The following KPNA3 variants were observed in gnomAD, a reference collection of about 807,000 sequenced individuals.
The protein encoded by KPNA3 is karyopherin subunit alpha 3.
Under a neutral mutation model 73.8 loss-of-function variants are expected in KPNA3, and 13 were observed. That is an observed-to-expected ratio of 0.18 (90% CI 0.11 to 0.28). The LOEUF (loss-of-function observed/expected upper bound fraction) is 0.28. Ranked by LOEUF, KPNA3 falls within the 10% of genes least tolerant of loss-of-function variation. The pLI is 1.00. For synonymous variants in KPNA3, 186 were observed against 206.9 expected (o/e 0.90, Z 0.87); for missense variants, 360 against 618.1 (o/e 0.58, Z 4.43).
At chr13:49,792,097 G>A (rs964425142) in intron 1 of KPNA3, among the ~76,000 whole-genome samples, 1 of 152,218 alleles carries the variant, frequency 6.6e-6, no homozygotes, top group East Asian at 1.9e-4. Context: ...CGGTCGGAGG[G>A]CCCGGGCGGC....
chr13:49,729,599 G>C (rs1349838621), intron 6 of KPNA3, among the ~76,000 whole-genome samples: 1 of 152,076 alleles, frequency 6.6e-6, no homozygotes, highest in Non-Finnish European at 1.5e-5. Context: ...CCTGTGAATG[G>C]TGAAACCCCA....
intron 2 of KPNA3, among the ~76,000 whole-genome samples, chr13:49,746,064 G>GAAAAAAAA (rs398022733): frequency 2.4e-5 from 2 of 83,086 alleles, no homozygotes; most frequent in Admixed American, 1.4e-4. Context: ...CTCTGCATCA[G>GAAAAAAAA]AAAAAAAAAA....
At chr13:49,756,408 T>C (rs1954712278) in intron 1 of KPNA3, among the ~76,000 whole-genome samples, 1 of 152,106 alleles carries the variant, frequency 6.6e-6, no homozygotes, top group Non-Finnish European at 1.5e-5. Flanking sequence ...AATTTAAAAA[T>C]TAGCCAGGTA....
At chr13:49,771,711 T>G (rs1334132115) in intron 1 of KPNA3, among the ~76,000 whole-genome samples, 1 of 152,198 alleles carries the variant, frequency 6.6e-6, no homozygotes. Flanking sequence ...CTCATCATAG[T>G]AACACAATTA....
chr13:49,770,021 T>A (rs1954840066), intron 1 of KPNA3, among the ~76,000 whole-genome samples: 1 of 152,170 alleles, frequency 6.6e-6, no homozygotes, highest in Non-Finnish European at 1.5e-5. Context: ...TTGTTGGTCA[T>A]TTGTATGCCT....
At chr13:49,757,455 A>T (rs1192317611) in intron 1 of KPNA3, among the ~76,000 whole-genome samples, 1 of 152,234 alleles carries the variant, frequency 6.6e-6, no homozygotes, top group Non-Finnish European at 1.5e-5. Flanking sequence ...AAAGATGTTC[A>T]ATACTATTAG....
intron 1 of KPNA3, among the ~76,000 whole-genome samples, chr13:49,753,040 A>G (rs867834988): frequency 1.3e-5 from 1 of 75,276 alleles, no homozygotes; most frequent in African/African-American, 4.2e-5. Flanking sequence ...AAAAAAAAAA[A>G]AAAAAAAAAA....
chr13:49,707,555 A>G (rs1460896430), intron 12 of KPNA3, among the ~76,000 whole-genome samples: 1 of 112,868 alleles, frequency 8.9e-6, no homozygotes, highest in South Asian at 3.6e-4. Context: ...TTGAGATGGC[A>G]TTTCTATGAA....
At chr13:49,733,986 A>C (rs1230542175) in intron 2 of KPNA3, among the ~76,000 whole-genome samples, 1 of 152,248 alleles carries the variant, frequency 6.6e-6, no homozygotes, top group Admixed American at 6.5e-5. Context: ...CAAAATTGTT[A>C]GCTCAATAAA....
chr13:49,703,659 A>T (rs1954172139), intron 15 of KPNA3, among the ~76,000 whole-genome samples: 1 of 152,230 alleles, frequency 6.6e-6, no homozygotes, highest in South Asian at 2.1e-4. Context: ...CTTATGTCCT[A>T]TAGCCACAAT....
chr13:49,721,507 T>C (rs575205946), intron 9 of KPNA3, among the ~76,000 whole-genome samples: 2 of 152,242 alleles, frequency 1.3e-5, no homozygotes, highest in African/African-American at 2.4e-5. Context: ...TAATTAAATA[T>C]GGTACGTTAC....
intron 12 of KPNA3, among the ~76,000 whole-genome samples, chr13:49,708,231 G>A (rs890645949): frequency 3.9e-5 from 6 of 152,156 alleles, no homozygotes; most frequent in East Asian, 3.9e-4. Context: ...TCCTGACCTC[G>A]TGATCTGCCC....
intron 1 of KPNA3, among the ~76,000 whole-genome samples, chr13:49,763,720 G>C (rs1954787044): frequency 6.6e-6 from 1 of 152,080 alleles, no homozygotes. Context: ...GATCATCTGA[G>C]GTCAGGAGTT....
At position 49,757,845 on chromosome 13, in the gene KPNA3, T is replaced by A. The variant is rs115787552; in HGVS notation, c.70-10852A>T. Among the ~76,000 whole-genome samples, 1,415 of 152,250 alleles carry A rather than the reference T, an allele frequency of 9.3e-3. 18 individuals are homozygous for A. The highest frequency in any genetic ancestry group is 0.032 in the African/African-American group (1,327 of 41,548). On this transcript the variant is annotated intron_variant, in intron 1 of 16. Transcript: ENST00000261667. ...CATATAGCAATTAAAAGAAACAAAC[T>A]GCTGATACAAACAATGACTTGGATG...
chr13:49,713,295 TAA>T (rs1491383810), intron 10 of KPNA3, among the ~76,000 whole-genome samples: 2 of 71,210 alleles, frequency 2.8e-5, no homozygotes, highest in African/African-American at 4.5e-5. Context: ...AAGCAGAGAA[TAA>T]ACACACACAC....
intron 2 of KPNA3, among the ~76,000 whole-genome samples, chr13:49,736,184 T>C (rs1009259184): frequency 2.0e-5 from 3 of 152,182 alleles, no homozygotes; most frequent in African/African-American, 7.2e-5. Flanking sequence ...CCTGGTTGCA[T>C]CTAAATGCTT....
chr13:49,714,504 T>C (rs1954287690), intron 10 of KPNA3, among the ~76,000 whole-genome samples: 1 of 152,180 alleles, frequency 6.6e-6, no homozygotes, highest in South Asian at 2.1e-4. Context: ...TGACCTTCTT[T>C]AGAAAGAGTG....
At chr13:49,719,880 C>T in intron 9 of KPNA3, 61 bp from the exon 10 acceptor site, 2 of 1,072,798 alleles carry the variant, frequency 1.9e-6, no homozygotes, top group Non-Finnish European at 2.8e-6. Context: ...TAAAAATGAA[C>T]AACTTTGACA....
chr13:49,746,800 T>C (rs556072932), intron 2 of KPNA3, 149 bp downstream of exon 2: 1 of 606,822 alleles, frequency 1.6e-6, no homozygotes, highest in South Asian at 2.0e-5. Context: ...TGAAAGCTAT[T>C]ATGAATAAGT....
Sources: gnomAD v4.1 joint callset for allele counts (sites outside exome capture counted in the v4.1 genomes callset) on GRCh38, gnomAD v4.1.1 for gene constraint, MANE v1.5 for transcripts, NCBI Gene and HGNC (gene_info 2026-07-23, HGNC 2026-07-21) for gene names.